The following COPS3 variants were observed in gnomAD, a reference collection of about 807,000 sequenced individuals.
The protein encoded by COPS3 is COP9 signalosome subunit 3.
COPS3 carries 10 observed loss-of-function variants against 58.2 expected under a neutral mutation model. The ratio of observed to expected loss-of-function variants is 0.17; its 90% CI spans 0.11 to 0.29. The LOEUF (loss-of-function observed/expected upper bound fraction) is 0.29. COPS3 is among the 10% of genes least tolerant of loss of function. The probability of loss-of-function intolerance (pLI) is 1.00; values close to 1 mark genes in which losing one functional copy is unlikely to be tolerated. For synonymous variants in COPS3, 187 were observed against 181.7 expected (o/e 1.03, Z -0.24); for missense variants, 333 against 510.1 (o/e 0.65, Z 3.34).
chr17:17,268,800 C>A (rs2048282112), intron 4 of COPS3, among the ~76,000 whole-genome samples: 1 of 149,094 alleles, frequency 6.7e-6, no homozygotes, highest in Non-Finnish European at 1.5e-5. Context: ...GCCTGGGCAA[C>A]AGAGCAAGAC....
Position 17,264,945 on chromosome 17 carries a change from G to C in COPS3, c.478C>G (p.Pro160Ala), listed in dbSNP as rs2048188464. 6.2e-7 allele frequency: 1 copy of C among 1,613,156 alleles called. No homozygotes were observed. The highest frequency in any genetic ancestry group is 8.5e-7 in the Non-Finnish European group (1 of 1,179,836). Residue 160 changes from proline (P) to alanine (A), a missense_variant, in exon 6 of 12, where the codon CCA becomes GCA. By Grantham distance (27) the Pro-to-Ala change is conservative (BLOSUM62 -1). Transcript: ENST00000268717. Reference sequence around the variant, plus strand: ...TCCATCATATCCACGTCAAGATATGGAAGGGCAGGCTTAAAGCATTTTGCT... The same window carrying C: ...TCCATCATATCCACGTCAAGATATGCAAGGGCAGGCTTAAAGCATTTTGCT... ...LLAKCFKPAL[P>A]YLDVDMMDIC...
At chr17:17,251,245 C>T (rs1438349473) in intron 9 of COPS3, among the ~76,000 whole-genome samples, 2 of 151,864 alleles carry the variant, frequency 1.3e-5, no homozygotes, top group Admixed American at 6.6e-5. Flanking sequence ...CTGCCCGCCT[C>T]AGCCTCCCAA....
Position 17,264,994 on chromosome 17 carries a change from T to A in COPS3, c.442-13A>T. 1 of 1,602,970 alleles carries A rather than the reference T, an allele frequency of 6.2e-7. No individual in the cohort carries two copies. Among genetic ancestry groups the A allele is most frequent in the South Asian group, 1.1e-5 (1 of 89,142 alleles). On this transcript the variant is annotated splice_polypyrimidine_tract_variant and intron_variant, in intron 5 of 11. Transcript: ENST00000268717. ...CTAGCAAACAAAGCTGTGAACAAAT[T>A]GATATTAAATCATCACTTTAATTTT...
intron 2 of COPS3, among the ~76,000 whole-genome samples, chr17:17,272,075 G>A (rs2048365758): frequency 2.0e-5 from 3 of 151,644 alleles, no homozygotes; most frequent in Admixed American, 6.6e-5. Flanking sequence ...AGATCACAAG[G>A]TCAGGAGTTC....
At chr17:17,273,252 A>G (rs76412440) in intron 2 of COPS3, among the ~76,000 whole-genome samples, 1,754 of 152,350 alleles carry the variant, frequency 0.012, 10 homozygotes, top group Non-Finnish European at 0.018. Flanking sequence ...GCTCTGCAGT[A>G]TGGTGGCCAC....
At chr17:17,249,622 A>G (rs1567844518) in intron 9 of COPS3, among the ~76,000 whole-genome samples, 1 of 152,146 alleles carries the variant, frequency 6.6e-6, no homozygotes, top group Non-Finnish European at 1.5e-5. Context: ...CCTCCTAAGT[A>G]GCTAGCATTA....
intron 1 of COPS3, chr17:17,280,764 G>A: frequency 1.6e-6 from 2 of 1,250,796 alleles, no homozygotes; most frequent in Non-Finnish European, 2.1e-6. Flanking sequence ...TGACATGGCG[G>A]TGCGCCAATC....
chr17:17,277,720 T>A lies in COPS3; in HGVS notation c.56-1556A>T, dbSNP rs535447153. 1.3e-4 allele frequency among the ~76,000 whole-genome samples: 19 copies of A among 151,926 alleles called. No homozygotes were observed. The East Asian group carries it at 3.5e-3, about 28-fold the overall frequency. On this transcript the variant is annotated intron_variant, in intron 1 of 11. Coordinates refer to ENST00000268717, the MANE Select transcript of COPS3 (RefSeq NM_003653.4). ...GAGGCATGAGCCACCACACTCAGCC[T>A]GCAATGCTACATTTTAACAACTAAG...
rs548682291 is a variant in COPS3, at chr17:17,266,387, A to ATAAC, written c.442-1410_442-1407dup. Reference sequence around the variant, plus strand: ...AAGTTTTTGGAAGGATACACGAGAAATAACTAACATAGTTTCCTTTGTAGA... The same window carrying ATAAC: ...AAGTTTTTGGAAGGATACACGAGAAATAACTAACTAACATAGTTTCCTTTGTAGA... On this transcript the variant is annotated intron_variant, in intron 5 of 11. Transcript: ENST00000268717. Among the ~76,000 whole-genome samples the ATAAC allele has an allele frequency of 1.4e-4, 21 of 152,374 alleles. No homozygotes were observed. In the South Asian group the frequency reaches 3.7e-3, roughly 27 times the overall value.
At chr17:17,271,812 C>T (rs2145246423) in intron 2 of COPS3, among the ~76,000 whole-genome samples, 1 of 141,080 alleles carries the variant, frequency 7.1e-6, no homozygotes, top group Admixed American at 7.5e-5. Flanking sequence ...AAGAGCGAGA[C>T]TGTCTCAAAA....
intron 10 of COPS3, 87 bp downstream of exon 10, chr17:17,248,839 A>G: frequency 2.3e-6 from 2 of 853,844 alleles, no homozygotes; most frequent in Non-Finnish European, 3.7e-6. Flanking sequence ...TGTACTTAAA[A>G]CTAAAATTAT....
chr17:17,263,510 C>CTTTTTTTTTTT (rs34755381), intron 6 of COPS3, among the ~76,000 whole-genome samples: 2 of 98,872 alleles, frequency 2.0e-5, no homozygotes, highest in African/African-American at 8.2e-5. Flanking sequence ...CTTGCCTTTT[C>CTTTTTTTTTTT]TTTTTTTTTT....
chr17:17,269,204 C>T (rs912452951), intron 4 of COPS3, among the ~76,000 whole-genome samples: 11 of 152,182 alleles, frequency 7.2e-5, no homozygotes, highest in African/African-American at 1.9e-4. Context: ...GCAGGCGGAT[C>T]GCCTGTGGTC....
intron 1 of COPS3, among the ~76,000 whole-genome samples, chr17:17,278,266 A>T (rs2048503134): frequency 6.6e-6 from 1 of 152,224 alleles, no homozygotes; most frequent in African/African-American, 2.4e-5. Flanking sequence ...AACAGTGAGG[A>T]TATATTTAAG....
intron 5 of COPS3, among the ~76,000 whole-genome samples, chr17:17,265,506 C>T (rs2048202602): frequency 6.6e-6 from 1 of 151,382 alleles, no homozygotes; most frequent in South Asian, 2.1e-4. Flanking sequence ...TCAAGTGATT[C>T]TCCTGCATTA....
intron 10 of COPS3, 46 bp from the exon 11 acceptor site, chr17:17,247,606 C>A: frequency 6.4e-7 from 1 of 1,572,210 alleles, no homozygotes; most frequent in South Asian, 1.1e-5. Context: ...GGGTTTAGGT[C>A]AGCTGCATCC....
chr17:17,275,434 G>A (rs1807514732), intron 2 of COPS3, among the ~76,000 whole-genome samples: 1 of 152,080 alleles, frequency 6.6e-6, no homozygotes, highest in Non-Finnish European at 1.5e-5. Flanking sequence ...CTGTCACCCA[G>A]GCTAGAGTAC....
chr17:17,260,194 C>T, intron 8 of COPS3, 107 bp downstream of exon 8: 1 of 1,084,498 alleles, frequency 9.2e-7, no homozygotes, highest in Non-Finnish European at 1.3e-6. Context: ...GAAATCCTGC[C>T]ATGCTTTATC....
chr17:17,255,880 A>AAATAAATAAATAAATAACTG (rs1489746940), intron 8 of COPS3, among the ~76,000 whole-genome samples: 3 of 145,056 alleles, frequency 2.1e-5, no homozygotes, highest in African/African-American at 7.7e-5. Flanking sequence ...ATAAATAAAT[A>AAATAAATAAATAAATAACTG]ACTGATAGGC....
Sources: allele counts gnomAD v4.1 joint callset (sites outside exome capture counted in the v4.1 genomes callset), GRCh38; gene constraint gnomAD v4.1.1; transcripts MANE v1.5; gene names NCBI Gene and HGNC (gene_info 2026-07-23, HGNC 2026-07-21).